TEX101: variants seen among roughly 807,000 people sequenced by gnomAD.
TEX101 encodes testis-expressed protein 101.
Under a neutral mutation model 18.1 loss-of-function variants are expected in TEX101, and 10 were observed. The observed-to-expected ratio is 0.55, with a 90% CI of 0.34 to 0.94. The LOEUF is 0.94. Among genes scored for constraint, TEX101 ranks in the 40% least tolerant of loss-of-function variants. The pLI, the probability that TEX101 is intolerant of heterozygous loss-of-function variation, is 0.02. For missense variants in TEX101, 259 were observed against 298.9 expected (o/e 0.87, Z 0.98); for synonymous variants, 94 against 114.8 (o/e 0.82, Z 1.16).
At chr19:43,409,109 C>A (rs1238084097) in intron 3 of TEX101, among the ~76,000 whole-genome samples, 1 of 152,028 alleles carries the variant, frequency 6.6e-6, no homozygotes, top group Non-Finnish European at 1.5e-5. Context: ...ATCAGGTAGC[C>A]CCCAGACCCA....
intron 2 of TEX101, among the ~76,000 whole-genome samples, chr19:43,403,404 A>G (rs1970334386): frequency 2.0e-5 from 3 of 152,118 alleles, no homozygotes; most frequent in Admixed American, 6.6e-5. Context: ...GAATTGAACA[A>G]TGAGAACACT....
intron 3 of TEX101, among the ~76,000 whole-genome samples, chr19:43,406,931 GTTTTT>G (rs1002990799): frequency 2.7e-4 from 31 of 116,106 alleles, no homozygotes; most frequent in African/African-American, 9.0e-4. Flanking sequence ...TTTGTTTTTT[GTTTTT>G]TTTTTTTTTT....
chr19:43,388,979 C>T, the TEX101 span, among the ~76,000 whole-genome samples: 14 of 152,134 alleles, frequency 9.2e-5, no homozygotes, highest in African/African-American at 4.8e-5. Context: ...GGCCCTGCCT[C>T]TCCTGGTTCA....
intron 3 of TEX101, among the ~76,000 whole-genome samples, chr19:43,408,462 G>A (rs1024152976): frequency 6.6e-6 from 1 of 152,144 alleles, no homozygotes; most frequent in African/African-American, 2.4e-5. Flanking sequence ...AAGAGGGTCC[G>A]GCCGGTCACC....
chr19:43,393,756 C>T, the TEX101 span, among the ~76,000 whole-genome samples: 1 of 151,702 alleles, frequency 6.6e-6, no homozygotes, highest in East Asian at 2.0e-4. Context: ...ATATCACGAT[C>T]ATCTCCACTT....
chr19:43,416,395 C>T lies in TEX101; in HGVS notation c.231C>T (p.Ala77=), dbSNP rs538078342. ...CAGGGACTGAGACAGCCATTTTGGCCACGAAGGGCTGCATCCCGGAAGGGG... is the reference window on the plus strand; with the variant it reads ...CAGGGACTGAGACAGCCATTTTGGCTACGAAGGGCTGCATCCCGGAAGGGG... ...IKAGTETAIL[A]TKGCIPEGEE... The change falls in exon 4 of 6, where the codon GCC becomes GCT. Residue 77 remains alanine, a synonymous_variant. Transcript: ENST00000598265. 3.7e-6 allele frequency: 6 copies of T among 1,613,820 alleles called. No homozygotes were observed. Among genetic ancestry groups the T allele is most frequent in the South Asian group, 1.1e-5 (1 of 91,042 alleles).
the TEX101 span, among the ~76,000 whole-genome samples, chr19:43,394,638 T>C: frequency 6.6e-6 from 1 of 152,046 alleles, no homozygotes; most frequent in Admixed American, 6.6e-5. Flanking sequence ...ACCCAGCCAA[T>C]TTTTTGTATT....
At chr19:43,390,016 T>G in the TEX101 span, among the ~76,000 whole-genome samples, 2 of 152,196 alleles carry the variant, frequency 1.3e-5, no homozygotes, top group Admixed American at 1.3e-4. Flanking sequence ...CCTCTCCTGC[T>G]TCTGTTTCCA....
At chr19:43,410,530 AG>A (rs749100006), upstream of TEX101, among the ~76,000 whole-genome samples, 14 of 152,110 alleles carry the variant, frequency 9.2e-5, no homozygotes, top group Non-Finnish European at 1.5e-4. Context: ...TGGAATACGG[AG>A]GGCCTGAGGT....
intron 2 of TEX101, among the ~76,000 whole-genome samples, chr19:43,405,030 G>C (rs193242954): frequency 1.3e-5 from 2 of 152,036 alleles, no homozygotes; most frequent in African/African-American, 4.8e-5. Flanking sequence ...AAATGTACTT[G>C]GTATAAATAG....
chr19:43,416,161 A>G lies in TEX101; in HGVS notation c.127A>G (p.Met43Val), dbSNP rs1349325165. 1 of 1,613,952 alleles carries G rather than the reference A, an allele frequency of 6.2e-7. No individual in the cohort carries two copies. The highest frequency in any genetic ancestry group is 2.2e-5 in the East Asian group (1 of 44,900). Reference protein sequence around the residue: ...SMTVEADPANMFNWTTEEVET... With the variant: ...SMTVEADPANVFNWTTEEVET... ...GACTGTGGAAGCAGATCCAGCCAAT[A>G]TGTTTAACTGGACCACAGAGGAAGT... The change falls in exon 3 of 6, where the codon ATG becomes GTG. Residue 43 changes from methionine to valine, a missense_variant. Physicochemically the swap from Met to Val is conservative, Grantham distance 21 (BLOSUM62 1). Coordinates refer to ENST00000598265, the MANE Select transcript of TEX101 (RefSeq NM_001130011.3).
At chr19:43,406,585 G>C in intron 3 of TEX101, 2 of 625,968 alleles carry the variant, frequency 3.2e-6, no homozygotes, top group Non-Finnish European at 5.9e-6. Flanking sequence ...AACCTGGTGG[G>C]GGAGTCGGGC....
chr19:43,418,248 G>A lies in TEX101; in HGVS notation c.601G>A (p.Gly201Arg), dbSNP rs1970503406. Reference sequence around the variant, plus strand: ...GCTGATGTCTGGAATCTTAGCAGTAGGACCCATGTTTGTGAGGGAAGCGTG... The same window carrying A: ...GCTGATGTCTGGAATCTTAGCAGTAAGACCCATGTTTGTGAGGGAAGCGTG... ...CRLMSGILAV[G>R]PMFVREACPH... Residue 201 changes from glycine (G) to arginine (R), a missense_variant, in exon 6 of 6, where the codon GGA becomes AGA. Coordinates refer to ENST00000598265, the MANE Select transcript of TEX101 (RefSeq NM_001130011.3). The A allele has an allele frequency of 6.2e-7, 1 of 1,614,188 alleles. No individual in the cohort carries two copies. The highest frequency in any genetic ancestry group is 8.5e-7 in the Non-Finnish European group (1 of 1,180,034).
chr19:43,412,626 C>G (rs1465044409), upstream of TEX101, among the ~76,000 whole-genome samples: 2 of 152,092 alleles, frequency 1.3e-5, no homozygotes, highest in Admixed American at 6.6e-5. Context: ...ACTGCTTTCC[C>G]AAGCACGAGC....
At chr19:43,398,791 T>A (rs909480113), upstream of TEX101, among the ~76,000 whole-genome samples, 3 of 152,164 alleles carry the variant, frequency 2.0e-5, no homozygotes, top group African/African-American at 7.2e-5. Context: ...TGAGAGAGAT[T>A]ATAGCCAAAT....
chr19:43,411,400 A>AATG (rs1355275262), upstream of TEX101, among the ~76,000 whole-genome samples: 2 of 152,030 alleles, frequency 1.3e-5, no homozygotes, highest in African/African-American at 4.8e-5. Context: ...AAACAGGAGT[A>AATG]ATGTGGTGTG....
chr19:43,410,669 G>A (rs906086907), upstream of TEX101, among the ~76,000 whole-genome samples: 1 of 151,420 alleles, frequency 6.6e-6, no homozygotes, highest in South Asian at 2.1e-4. Context: ...GACACAGCTG[G>A]AAGGAACCAG....
chr19:43,418,110 A>T, intron 5 of TEX101, 58 bp from the exon 6 acceptor site: 2 of 1,611,258 alleles, frequency 1.2e-6, no homozygotes, highest in South Asian at 1.1e-5. Flanking sequence ...GGGGGACTGG[A>T]TTCTCCTCTG....
the TEX101 span, among the ~76,000 whole-genome samples, chr19:43,389,809 G>A: frequency 2.6e-5 from 4 of 152,086 alleles, no homozygotes; most frequent in African/African-American, 9.7e-5. Flanking sequence ...TCCCTTCCAT[G>A]TCCTACATCT....
Sources: gnomAD v4.1 joint callset for allele counts (sites outside exome capture counted in the v4.1 genomes callset) on GRCh38, gnomAD v4.1.1 for gene constraint, MANE v1.5 for transcripts, NCBI Gene and HGNC (gene_info 2026-07-23, HGNC 2026-07-21) for gene names.